Variants in LAD1 observed in about 807,000 individuals in gnomAD.
LAD1 encodes ladinin-1.
A neutral mutation model predicts 54.2 loss-of-function variants in LAD1; 53 were observed. The ratio of observed to expected loss-of-function variants is 0.98; its 90% CI spans 0.78 to 1.23. The LOEUF (loss-of-function observed/expected upper bound fraction) is 1.23. LAD1 is among the 50% of genes most tolerant of loss of function. The pLI, the probability that LAD1 is intolerant of heterozygous loss-of-function variation, is 0.00. For synonymous variants in LAD1, 231 were observed against 257.7 expected (o/e 0.90, Z 0.99); for missense variants, 637 against 653.3 (o/e 0.98, Z 0.27).
In LAD1 at chr1:201,384,916, A is replaced by G; in HGVS notation, c.1132-81T>C. Reference sequence around the variant, plus strand: ...CCCTCGAGTGAGGAGCCCAGCTCTCAAGACATGTCCTCCTCCTCTTCAGAC... The same window carrying G: ...CCCTCGAGTGAGGAGCCCAGCTCTCGAGACATGTCCTCCTCCTCTTCAGAC... On this transcript the variant is annotated intron_variant, in intron 4 of 9. Coordinates refer to ENST00000391967, the MANE Select transcript of LAD1 (RefSeq NM_005558.4). 3.7e-6 allele frequency: 5 copies of G among 1,366,136 alleles called. No individual in the cohort carries two copies. The South Asian group carries it at 5.9e-5, about 16-fold the overall frequency. The allele number at this position is 1,366,136 out of a possible 1,614,324, so 84.6% of individuals were successfully genotyped here.
chr1:201,394,116 T>C (rs905761654), intron 1 of LAD1, among the ~76,000 whole-genome samples: 1 of 152,178 alleles, frequency 6.6e-6, no homozygotes, highest in Non-Finnish European at 1.5e-5. Context: ...GTCTCATCTC[T>C]AGTGCCCAGT....
Position 201,386,928 on chromosome 1 carries a change from TC to T in LAD1, c.432del (p.Arg145AspfsTer2). On this transcript the variant is annotated frameshift_variant, in exon 3 of 10. Coordinates refer to ENST00000391967, the MANE Select transcript of LAD1 (RefSeq NM_005558.4). LOFTEE classifies it high-confidence loss of function. ...GGGCCCCGCTGTTCCCGACTCAGTC[TC>T]CGGCGAGGTGGGATTTCCAGTTCCT... ...SKKELEIPPR[R>X]RLSREQRGPW... 6.2e-7 allele frequency: 1 copy of T among 1,612,938 alleles called. No homozygotes were observed. The highest frequency in any genetic ancestry group is 8.5e-7 in the Non-Finnish European group (1 of 1,179,742).
rs190913167 is a variant in LAD1 at position 201,396,325 on chromosome 1, A to G, written c.38+2944T>C. On this transcript the variant is annotated intron_variant, in intron 1 of 9. Coordinates refer to ENST00000391967, the MANE Select transcript of LAD1 (RefSeq NM_005558.4). ...CCTCCCCACTCCAGACTTCAACTCC[A>G]TCCTTTGGGGATGGGGATCCTCTTT... Among the ~76,000 whole-genome samples, 74 of 151,842 alleles carry G rather than the reference A, an allele frequency of 4.9e-4. 1 individual carries two copies. The highest frequency in any genetic ancestry group is 6.9e-4 in the Non-Finnish European group (47 of 67,924).
intron 3 of LAD1, 139 bp from the exon 4 acceptor site, chr1:201,385,944 T>A (rs905848100): frequency 5.9e-6 from 4 of 681,098 alleles, no homozygotes; most frequent in Non-Finnish European, 1.1e-5. Context: ...CCTGCCTCCT[T>A]CATCTGCTGT....
At chr1:201,382,140 G>C (rs1661973912) in intron 9 of LAD1, 112 bp downstream of exon 9, 1 of 974,894 alleles carries the variant, frequency 1.0e-6, no homozygotes, top group South Asian at 1.4e-5. Context: ...GGGGCGTTCT[G>C]GGTGGACTGC....
intron 5 of LAD1, 127 bp downstream of exon 5, chr1:201,384,665 G>A: frequency 2.2e-6 from 2 of 903,848 alleles, no homozygotes; most frequent in South Asian, 1.3e-5. Flanking sequence ...GGAGCCCTGG[G>A]CAAGGACTGC....
chr1:201,385,686 G>A lies in LAD1; in HGVS notation c.1131+15C>T, dbSNP rs773220173. The A allele has an allele frequency of 5.0e-6, 8 of 1,589,598 alleles. No homozygotes were observed. The Admixed American group carries it at 8.3e-5, about 17-fold the overall frequency. On this transcript the variant is annotated intron_variant, in intron 4 of 9. Coordinates refer to ENST00000391967, the MANE Select transcript of LAD1 (RefSeq NM_005558.4). ...CCTCCAGTGGCTCGCAGACCAGGGT[G>A]CCCAGGGCTCTCACCCGAAAGGAGA...
At chr1:201,398,832 C>G (rs1414779864) in intron 1 of LAD1, among the ~76,000 whole-genome samples, 1 of 152,218 alleles carries the variant, frequency 6.6e-6, no homozygotes, top group African/African-American at 2.4e-5. Flanking sequence ...GCTCTCCCTG[C>G]TCCCCCTCCC....
At chr1:201,384,887 G>C in intron 4 of LAD1, 52 bp from the exon 5 acceptor site, 1 of 1,591,102 alleles carries the variant, frequency 6.3e-7, no homozygotes, top group African/African-American at 1.3e-5. Flanking sequence ...GGAAATCGGT[G>C]GCCCCCTCGA....
At chr1:201,383,469 G>A in intron 5 of LAD1, 80 bp from the exon 6 acceptor site, 2 of 1,272,086 alleles carry the variant, frequency 1.6e-6, no homozygotes, top group South Asian at 1.2e-5. Context: ...CTGAGGAGCA[G>A]CCCCATCACA....
intron 1 of LAD1, among the ~76,000 whole-genome samples, chr1:201,395,400 C>A (rs1662270794): frequency 6.6e-6 from 1 of 152,152 alleles, no homozygotes; most frequent in Non-Finnish European, 1.5e-5. Context: ...GAAGTGAGCA[C>A]ACTAACGTGG....
At chr1:201,388,217 C>A (rs1662133131) in intron 2 of LAD1, among the ~76,000 whole-genome samples, 1 of 152,156 alleles carries the variant, frequency 6.6e-6, no homozygotes, top group African/African-American at 2.4e-5. Flanking sequence ...ATGGTGAAAC[C>A]CCATCTCTCC....
chr1:201,386,802 T>C lies in LAD1; in HGVS notation c.559A>G (p.Lys187Glu). Residue 187 changes from lysine to glutamate, a missense_variant, in exon 3 of 10, where the codon AAG (lysine) becomes GAG (glutamate). Coordinates refer to ENST00000391967, the MANE Select transcript of LAD1 (RefSeq NM_005558.4). ...SPVLEKSSMP[K>E]KTAPEKSLVS... is the part of the protein sequence containing the mutation. ...AGGCTCTTTTCAGGTGCCGTCTTCT[T>C]TGGCATGGAGGACTTCTCCAAGACT... 1.2e-6 allele frequency: 2 copies of C among 1,613,950 alleles called. No individual in the cohort carries two copies. Among genetic ancestry groups the C allele is most frequent in the African/African-American group, 2.7e-5 (2 of 74,994 alleles).
In LAD1 at chr1:201,387,081, C is replaced by A; in HGVS notation, c.280G>T (p.Glu94Ter). Residue 94 changes from glutamate to a stop codon, truncating the protein, a stop_gained, in exon 3 of 10, where the codon GAG becomes TAG. Transcript: ENST00000391967. LOFTEE classifies it high-confidence loss of function. ...ACCACCTGCCGCCTCTGCCTCCGCTCCTGCCGTGTTCTGAGGATGCTCTGG... is the reference window on the plus strand; with the variant it reads ...ACCACCTGCCGCCTCTGCCTCCGCTACTGCCGTGTTCTGAGGATGCTCTGG... ...DIQSILRTRQ[E>*]RRQRRQVVEA... is the part of the protein sequence containing the mutation. 1 of 1,610,570 alleles carries A rather than the reference C, an allele frequency of 6.2e-7. No individual in the cohort carries two copies. The highest frequency in any genetic ancestry group is 8.5e-7 in the Non-Finnish European group (1 of 1,178,552).
intron 2 of LAD1, 108 bp from the exon 3 acceptor site, chr1:201,387,286 T>C: frequency 8.0e-7 from 1 of 1,255,946 alleles, no homozygotes; most frequent in South Asian, 2.5e-5. Flanking sequence ...GAGGTGAGGA[T>C]GTCAGGCCCT....
At chr1:201,399,083 G>A (rs980154630) in intron 1 of LAD1, among the ~76,000 whole-genome samples, 186 bp downstream of exon 1, 2 of 152,224 alleles carry the variant, frequency 1.3e-5, no homozygotes, top group Non-Finnish European at 2.9e-5. Flanking sequence ...GAGGGGAGAA[G>A]ACCCACCCTG....
intron 5 of LAD1, 126 bp downstream of exon 5, chr1:201,384,666 C>T: frequency 1.1e-6 from 1 of 908,512 alleles, no homozygotes. Flanking sequence ...GAGCCCTGGG[C>T]AAGGACTGCA....
intron 9 of LAD1, 102 bp from the exon 10 acceptor site, chr1:201,381,995 C>T: frequency 7.8e-7 from 1 of 1,278,196 alleles, no homozygotes; most frequent in Non-Finnish European, 1.1e-6. Context: ...AAGCCCCACA[C>T]CCACAAGGAG....
chr1:201,382,516 TGAAATGACTCCTCCTCTCCC>T (rs3831363), intron 8 of LAD1, 117 bp downstream of exon 8: 29,246 of 795,670 alleles, frequency 0.037, 1,086 homozygotes, highest in East Asian at 0.17. Context: ...CCTCCACTCC[TGAAATGACTCCTCCTCTCCC>T]GAAATGACTC....
Sources: allele counts gnomAD v4.1 joint callset (sites outside exome capture counted in the v4.1 genomes callset), GRCh38; gene constraint gnomAD v4.1.1; transcripts MANE v1.5; gene names NCBI Gene and HGNC (gene_info 2026-07-23, HGNC 2026-07-21).